The following TECRL variants were observed in gnomAD, a reference collection of about 807,000 sequenced individuals.
TECRL encodes the protein trans-2,3-enoyl-CoA reductase like, also known as trans-2,3-enoyl-CoA reductase-like.
A neutral mutation model predicts 52.8 loss-of-function variants in TECRL; 63 were observed. The ratio of observed to expected loss-of-function variants is 1.19; its 90% CI spans 0.97 to 1.47. TECRL has a LOEUF of 1.47. Among genes scored for constraint, TECRL ranks in the 40% most tolerant of loss-of-function variants. The probability of loss-of-function intolerance (pLI) is 0.00; values close to 1 mark genes in which losing one functional copy is unlikely to be tolerated. For synonymous variants in TECRL, 164 were observed against 141.9 expected (o/e 1.16, Z -1.10); for missense variants, 482 against 429.6 (o/e 1.12, Z -1.08).
chr4:64,290,730 A>G (rs1577809332), intron 8 of TECRL, among the ~76,000 whole-genome samples: 1 of 152,238 alleles, frequency 6.6e-6, no homozygotes, highest in South Asian at 2.1e-4. Flanking sequence ...AAATTTTAGG[A>G]AAAAATAGAT....
At chr4:64,377,798 G>A (rs1722506692) in intron 1 of TECRL, among the ~76,000 whole-genome samples, 1 of 152,044 alleles carries the variant, frequency 6.6e-6, no homozygotes, top group Non-Finnish European at 1.5e-5. Context: ...ATTTACTACA[G>A]TTTTTCACAG....
rs368218173 is a variant in TECRL, at chr4:64,371,850, T to G, written c.286+3322A>C. 1.6e-4 allele frequency among the ~76,000 whole-genome samples: 24 copies of G among 151,938 alleles called. No individual in the cohort carries two copies. The South Asian group carries it at 4.8e-3, about 30-fold the overall frequency. On this transcript the variant is annotated intron_variant, in intron 2 of 11. Coordinates refer to ENST00000381210, the MANE Select transcript of TECRL (RefSeq NM_001010874.5). The stretch of plus-strand genomic sequence containing the variant: ...TTAAGTGTAATTTGCTATGATTTTA[T>G]TTTTCAACATGTTCTAATAAAGTCA...
At chr4:64,303,883 A>G (rs948600738) in intron 7 of TECRL, among the ~76,000 whole-genome samples, 3 of 151,904 alleles carry the variant, frequency 2.0e-5, no homozygotes, top group East Asian at 1.9e-4. Flanking sequence ...TTAAAATGCT[A>G]TAATATGTTT....
Position 64,367,615 on chromosome 4 carries a change from C to G in TECRL, c.286+7557G>C, listed in dbSNP as rs187124177. Among the ~76,000 whole-genome samples, 54 of 151,788 alleles carry G rather than the reference C, an allele frequency of 3.6e-4. No homozygotes were observed. The Middle Eastern group carries it at 0.01, about 29-fold the overall frequency. ...TGACCAGTATTTTATTGCAATCACA[C>G]TGAGTAGTCAATTTTTAATGCCGAA... On this transcript the variant is annotated intron_variant, in intron 2 of 11. Coordinates refer to ENST00000381210, the MANE Select transcript of TECRL (RefSeq NM_001010874.5).
At chr4:64,317,543 C>T (rs756666790) in intron 4 of TECRL, among the ~76,000 whole-genome samples, 1 of 152,080 alleles carries the variant, frequency 6.6e-6, no homozygotes, top group Non-Finnish European at 1.5e-5. Flanking sequence ...ACCTTAATCT[C>T]CTGAAGATAA....
intron 2 of TECRL, among the ~76,000 whole-genome samples, chr4:64,334,598 G>A (rs570593972): frequency 9.9e-5 from 15 of 152,126 alleles, no homozygotes; most frequent in Non-Finnish European, 2.1e-4. Context: ...CTGCTAAAGA[G>A]TTTACTTTTA....
chr4:64,365,309 C>T (rs1721518385), intron 2 of TECRL, among the ~76,000 whole-genome samples: 2 of 152,044 alleles, frequency 1.3e-5, no homozygotes, highest in Non-Finnish European at 2.9e-5. Flanking sequence ...AGCATTCCAC[C>T]CGATACCGTA....
intron 2 of TECRL, among the ~76,000 whole-genome samples, chr4:64,333,848 G>A (rs1405135108): frequency 8.1e-6 from 1 of 123,540 alleles, no homozygotes; most frequent in Non-Finnish European, 1.7e-5. Context: ...GTGAAACCCC[G>A]TCTCTACTAA....
chr4:64,382,892 T>G (rs888830914), intron 1 of TECRL, among the ~76,000 whole-genome samples: 8 of 152,154 alleles, frequency 5.3e-5, no homozygotes, highest in Admixed American at 3.9e-4. Context: ...TTTTATACTT[T>G]TTTGTATTTT....
chr4:64,304,920 A>C, intron 7 of TECRL: 1 of 290,510 alleles, frequency 3.4e-6, no homozygotes, highest in Non-Finnish European at 6.3e-6. Flanking sequence ...TCATTTTATT[A>C]GCTGTTTTTT....
intron 2 of TECRL, among the ~76,000 whole-genome samples, chr4:64,333,462 T>C (rs1718797026): frequency 6.6e-6 from 1 of 152,106 alleles, no homozygotes; most frequent in African/African-American, 2.4e-5. Flanking sequence ...TAAAACAATA[T>C]TGAGCAAAAT....
chr4:64,388,256 C>T (rs1723314193), intron 1 of TECRL, among the ~76,000 whole-genome samples: 1 of 123,266 alleles, frequency 8.1e-6, no homozygotes. Context: ...TCTAGTTGCT[C>T]CAGCACTATT....
Position 64,313,478 on chromosome 4 carries a change from T to C in TECRL, c.551+1170A>G, listed in dbSNP as rs1156430136. Among the ~76,000 whole-genome samples the C allele has an allele frequency of 6.5e-4, 4 of 6,132 alleles. No homozygotes were observed. In the Non-Finnish European group the frequency reaches 7.1e-3, roughly 11 times the overall value. 4.0% of individuals were successfully genotyped at this position (6,132 alleles called of 152,430 possible). A position where few individuals can be genotyped will look rare whatever the true frequency, so the allele number is the denominator to read the frequency against. Reference sequence around the variant, plus strand: ...ATACTTTGTTTATTGCCTTACTCCTTTTTTTTTTTTTTTTTTTTTTTGAGA... The same window carrying C: ...ATACTTTGTTTATTGCCTTACTCCTCTTTTTTTTTTTTTTTTTTTTTGAGA... On this transcript the variant is annotated intron_variant, in intron 5 of 11. Coordinates refer to ENST00000381210, the MANE Select transcript of TECRL (RefSeq NM_001010874.5).
intron 2 of TECRL, among the ~76,000 whole-genome samples, chr4:64,349,265 T>C (rs958229238): frequency 2.0e-5 from 3 of 151,766 alleles, no homozygotes; most frequent in Non-Finnish European, 4.4e-5. Context: ...CCCGAGTAGC[T>C]GGCATTACAG....
chr4:64,406,522 T>C (rs1405836928), intron 1 of TECRL, among the ~76,000 whole-genome samples: 2 of 151,316 alleles, frequency 1.3e-5, no homozygotes, highest in Non-Finnish European at 3.0e-5. Context: ...CTCCAAATGA[T>C]TATTAAAAAT....
rs1553913541 is a variant in TECRL at position 64,334,044 on chromosome 4, A to AAG, written c.287-5489_287-5488insCT. ...AGACTCCGTCTCAAAAAAAAAAAAA[A>AAG]AAAAAGAAAAAGAGAGAATGTCCTG... On this transcript the variant is annotated intron_variant, in intron 2 of 11. Transcript: ENST00000381210. Among the ~76,000 whole-genome samples, 12 of 119,452 alleles carry AAG rather than the reference A, an allele frequency of 1.0e-4. 2 individuals carry two copies. Among genetic ancestry groups the AAG allele is most frequent in the South Asian group, 7.1e-4 (3 of 4,226 alleles). The allele number at this position is 119,452 out of a possible 152,430, so 78.4% of individuals were successfully genotyped here.
At chr4:64,297,010 T>G (rs1723724513) in intron 8 of TECRL, among the ~76,000 whole-genome samples, 1 of 151,528 alleles carries the variant, frequency 6.6e-6, no homozygotes, top group Admixed American at 6.6e-5. Context: ...GGAGAGGTGA[T>G]AGACTATTTC....
intron 1 of TECRL, among the ~76,000 whole-genome samples, chr4:64,386,822 C>T (rs1333292186): frequency 2.6e-5 from 4 of 151,988 alleles, no homozygotes; most frequent in African/African-American, 9.7e-5. Context: ...AGAGAAGGAC[C>T]AGAGATTTCC....
At chr4:64,317,196 T>C (rs1303627449) in intron 4 of TECRL, among the ~76,000 whole-genome samples, 1 of 151,788 alleles carries the variant, frequency 6.6e-6, no homozygotes, top group Non-Finnish European at 1.5e-5. Context: ...AAGAATGGCG[T>C]GAACCTGGGA....
Sources: gnomAD v4.1 joint callset for allele counts (sites outside exome capture counted in the v4.1 genomes callset) on GRCh38, gnomAD v4.1.1 for gene constraint, MANE v1.5 for transcripts, NCBI Gene and HGNC (gene_info 2026-07-23, HGNC 2026-07-21) for gene names.